DNM3: variants seen among roughly 807,000 people sequenced by gnomAD.
The protein encoded by DNM3 is dynamin-3.
In DNM3, 47 loss-of-function variants were observed where a neutral mutation model predicts 101.6. That is an observed-to-expected ratio of 0.46 (90% CI 0.37 to 0.59). The LOEUF (loss-of-function observed/expected upper bound fraction) is 0.59. DNM3 is among the 20% of genes least tolerant of loss of function. The pLI is 0.00. For missense variants in DNM3, 849 were observed against 1,085.7 expected (o/e 0.78, Z 3.06); for synonymous variants, 385 against 387.9 (o/e 0.99, Z 0.09).
intron 14 of DNM3, among the ~76,000 whole-genome samples, chr1:172,227,000 A>G (rs193251838): frequency 2.1e-3 from 323 of 151,764 alleles, no homozygotes; most frequent in Non-Finnish European, 3.5e-3. Context: ...TAATGCACCC[A>G]TCTCCCATGT....
At chr1:172,337,866 T>TTTTATTTTAA (rs2066501774) in intron 17 of DNM3, among the ~76,000 whole-genome samples, 20 of 113,130 alleles carry the variant, frequency 1.8e-4, no homozygotes, top group African/African-American at 6.6e-4. Flanking sequence ...TTTTATTTTA[T>TTTTATTTTAA]TTTTATTTTA....
intron 1 of DNM3, among the ~76,000 whole-genome samples, chr1:171,890,200 T>G (rs1177473419): frequency 6.6e-6 from 1 of 152,208 alleles, no homozygotes; most frequent in Non-Finnish European, 1.5e-5. Context: ...GATCTACCAA[T>G]TAGAATGCTA....
rs2071152958 is a variant in DNM3 at position 172,410,655 on chromosome 1, C to T, written c.*2814C>T. 1.0e-6 allele frequency: 1 copy of T among 985,258 alleles called. No individual in the cohort carries two copies. The highest frequency in any genetic ancestry group is 1.2e-6 in the Non-Finnish European group (1 of 829,800). The allele number at this position is 985,258 out of a possible 1,614,324, so 61.0% of individuals were successfully genotyped here. Reference sequence around the variant, plus strand: ...ACCAAGGTTACTCGTCTGAATATTGCTTTTAGCCGTGTTTTATAACATAGA... The same window carrying T: ...ACCAAGGTTACTCGTCTGAATATTGTTTTTAGCCGTGTTTTATAACATAGA... On this transcript the variant is annotated 3_prime_UTR_variant, in exon 21 of 21. Transcript: ENST00000627582.
intron 15 of DNM3, among the ~76,000 whole-genome samples, chr1:172,306,908 T>C (rs570860947): frequency 1.3e-5 from 2 of 152,280 alleles, no homozygotes; most frequent in South Asian, 4.1e-4. Context: ...ATGTTAGACC[T>C]AAAACCATAA....
chr1:172,106,614 CA>C (rs1401667869), intron 13 of DNM3, among the ~76,000 whole-genome samples: 2 of 151,746 alleles, frequency 1.3e-5, no homozygotes, highest in African/African-American at 4.8e-5. Flanking sequence ...AAGAAATTTT[CA>C]AAAAAAGTAA....
chr1:172,258,359 A>G (rs774079863), intron 15 of DNM3, among the ~76,000 whole-genome samples: 13 of 152,056 alleles, frequency 8.5e-5, no homozygotes, highest in Non-Finnish European at 1.5e-4. Context: ...TTTCCATAAT[A>G]GCTGTGCTGA....
At chr1:171,946,359 A>G (rs540313032) in intron 2 of DNM3, among the ~76,000 whole-genome samples, 16 of 152,160 alleles carry the variant, frequency 1.1e-4, no homozygotes, top group Admixed American at 2.0e-4. Context: ...TAATAGGGAA[A>G]GGGGAGGGAC....
intron 15 of DNM3, among the ~76,000 whole-genome samples, chr1:172,288,841 T>A (rs531117474): frequency 4.0e-4 from 61 of 152,336 alleles, no homozygotes; most frequent in African/African-American, 1.3e-3. Context: ...AGCTCAGAGA[T>A]GTCTGGCATT....
At chr1:172,133,023 A>T (rs747633318) in intron 14 of DNM3, 11 of 1,507,690 alleles carry the variant, frequency 7.3e-6, no homozygotes, top group East Asian at 2.5e-5. Flanking sequence ...AGAATCCCAG[A>T]GATGCCTGGA....
At chr1:172,302,714 G>T (rs60928445) in intron 15 of DNM3, among the ~76,000 whole-genome samples, 1 of 151,910 alleles carries the variant, frequency 6.6e-6, no homozygotes, top group African/African-American at 2.4e-5. Flanking sequence ...TGCAGCCTCC[G>T]CCGGGTGATA....
At chr1:172,249,524 A>G (rs529259633) in intron 14 of DNM3, among the ~76,000 whole-genome samples, 28 of 152,180 alleles carry the variant, frequency 1.8e-4, no homozygotes, top group African/African-American at 5.8e-4. Context: ...ATCATCCTGG[A>G]TGCCTCCCAT....
chr1:171,895,352 C>T (rs1028925215), intron 1 of DNM3, among the ~76,000 whole-genome samples: 8 of 152,308 alleles, frequency 5.3e-5, no homozygotes, highest in African/African-American at 1.9e-4. Flanking sequence ...GATGGTATCT[C>T]ATTGTGGTTT....
chr1:172,214,022 C>T (rs2060606487), intron 14 of DNM3, among the ~76,000 whole-genome samples: 1 of 152,054 alleles, frequency 6.6e-6, no homozygotes, highest in Non-Finnish European at 1.5e-5. Flanking sequence ...TGTGGCCTTC[C>T]TTCATACTGT....
At chr1:172,159,906 C>A (rs2058480616) in intron 14 of DNM3, among the ~76,000 whole-genome samples, 2 of 151,940 alleles carry the variant, frequency 1.3e-5, no homozygotes, top group South Asian at 4.2e-4. Flanking sequence ...CTGCTATATA[C>A]CTAGGCTATA....
In DNM3 at chr1:172,408,883, C is replaced by A; in HGVS notation, c.*1042C>A. The A allele has an allele frequency of 1.0e-6, 1 of 985,280 alleles. No homozygotes were observed. Among genetic ancestry groups the A allele is most frequent in the Non-Finnish European group, 1.2e-6 (1 of 829,854 alleles). The allele number at this position is 985,280 out of a possible 1,614,324, so 61.0% of individuals were successfully genotyped here. A position where few individuals can be genotyped will look rare whatever the true frequency, so the allele number is the denominator to read the frequency against. ...ATAAATCTTGAGGCTATGGGATAAT[C>A]ACATTTAAAGAATGGTTCCTGAAAT... On this transcript the variant is annotated 3_prime_UTR_variant, in exon 21 of 21. Transcript: ENST00000627582.
At chr1:172,040,043 C>T (rs2049258476) in intron 7 of DNM3, among the ~76,000 whole-genome samples, 1 of 151,944 alleles carries the variant, frequency 6.6e-6, no homozygotes, top group South Asian at 2.1e-4. Flanking sequence ...AAACAGAGGG[C>T]CTGTGGTAGG....
chr1:171,851,414 G>A (rs970011908), intron 1 of DNM3, among the ~76,000 whole-genome samples: 5 of 151,990 alleles, frequency 3.3e-5, no homozygotes, highest in African/African-American at 1.2e-4. Context: ...GGATTAGAAC[G>A]GTTGTTGTTT....
At chr1:172,309,159 T>C in intron 16 of DNM3, 1 of 257,486 alleles carries the variant, frequency 3.9e-6, no homozygotes, top group South Asian at 1.1e-4. Context: ...TTTTTCATAC[T>C]TATCATGGTA....
chr1:172,358,864 C>T (rs966583543), intron 17 of DNM3, among the ~76,000 whole-genome samples: 14 of 148,246 alleles, frequency 9.4e-5, no homozygotes, highest in African/African-American at 3.5e-4. Flanking sequence ...CCGGGTCTCC[C>T]TTCCTGATTC....
Sources: allele counts gnomAD v4.1 joint callset (sites outside exome capture counted in the v4.1 genomes callset), GRCh38; gene constraint gnomAD v4.1.1; transcripts MANE v1.5; gene names NCBI Gene and HGNC (gene_info 2026-07-23, HGNC 2026-07-21).